Variants in SLC1A1 observed in about 807,000 individuals in gnomAD.
SLC1A1 encodes the protein excitatory amino acid transporter 3.
Under a neutral mutation model 53.3 loss-of-function variants are expected in SLC1A1, and 43 were observed. The observed-to-expected ratio is 0.81, with a 90% CI of 0.63 to 1.04. SLC1A1 has a LOEUF of 1.04. SLC1A1 is among the 50% of genes least tolerant of loss of function. The pLI is 0.00. For synonymous variants in SLC1A1, 307 were observed against 243.2 expected (o/e 1.26, Z -2.44); for missense variants, 748 against 664.9 (o/e 1.12, Z -1.37).
chr9:4,495,999 G>A (rs1019590315), intron 1 of SLC1A1, among the ~76,000 whole-genome samples: 3 of 152,178 alleles, frequency 2.0e-5, no homozygotes, highest in Non-Finnish European at 4.4e-5. Flanking sequence ...AAGTGAGTCT[G>A]GTGCTCAGGA....
chr9:4,580,905 GTTTTA>G (rs1821040391), intron 10 of SLC1A1, among the ~76,000 whole-genome samples: 1 of 151,962 alleles, frequency 6.6e-6, no homozygotes, highest in South Asian at 2.1e-4. Flanking sequence ...TTTGTTTTTT[GTTTTA>G]TTTTACTTTA....
rs1315524020 is a variant in SLC1A1 at position 4,558,002 on chromosome 9, AGAT to A, written c.233-3442_233-3440del. 6.6e-5 allele frequency among the ~76,000 whole-genome samples: 10 copies of A among 152,352 alleles called. No homozygotes were observed. The East Asian group carries it at 1.9e-3, about 29-fold the overall frequency. On this transcript the variant is annotated intron_variant, in intron 2 of 11. Coordinates refer to ENST00000262352, the MANE Select transcript of SLC1A1 (RefSeq NM_004170.6). Reference sequence around the variant, plus strand: ...CTCCTTGGGTTGTAATGAGAATTAAAGATGATGCATTAACATGCAGTCAATATA... The same window carrying A: ...CTCCTTGGGTTGTAATGAGAATTAAAGATGCATTAACATGCAGTCAATATA...
intron 1 of SLC1A1, among the ~76,000 whole-genome samples, chr9:4,497,103 T>A (rs1820455706): frequency 6.6e-6 from 1 of 152,050 alleles, no homozygotes; most frequent in Non-Finnish European, 1.5e-5. Flanking sequence ...CCTAACAAAT[T>A]ACCACAAACC....
chr9:4,570,660 C>T (rs1293106641), intron 6 of SLC1A1, among the ~76,000 whole-genome samples: 3 of 152,068 alleles, frequency 2.0e-5, no homozygotes, highest in Non-Finnish European at 2.9e-5. Flanking sequence ...TGTGAGCCAC[C>T]GCACCCAGCT....
At chr9:4,498,389 T>C (rs887374142) in intron 1 of SLC1A1, among the ~76,000 whole-genome samples, 1 of 152,230 alleles carries the variant, frequency 6.6e-6, no homozygotes, top group South Asian at 2.1e-4. Context: ...TTGGACTTTA[T>C]ATGTCTCTAA....
intron 3 of SLC1A1, among the ~76,000 whole-genome samples, chr9:4,563,146 G>GAAAA (rs761603173): frequency 4.3e-5 from 6 of 138,082 alleles, no homozygotes; most frequent in South Asian, 2.3e-4. Flanking sequence ...GAGAGAGAGA[G>GAAAA]AAAAAAAAAA....
Position 4,585,530 on chromosome 9 carries a change from T to A in SLC1A1, c.1547T>A (p.Ile516Asn), listed in dbSNP as rs776128898. The A allele has an allele frequency of 6.2e-7, 1 of 1,614,118 alleles. No homozygotes were observed. The highest frequency in any genetic ancestry group is 1.3e-5 in the African/African-American group (1 of 75,018). The change falls in exon 12 of 12, where the codon ATC becomes AAC. Residue 516 changes from isoleucine (I) to asparagine (N), a missense_variant. Physicochemically the swap from Ile to Asn is moderately radical, Grantham distance 149. Coordinates refer to ENST00000262352, the MANE Select transcript of SLC1A1 (RefSeq NM_004170.6). ...TTTGCAGTAGACAAGTCTGACACCATCTCATTCACCCAGACCTCACAGTTC... is the reference window on the plus strand; with the variant it reads ...TTTGCAGTAGACAAGTCTGACACCAACTCATTCACCCAGACCTCACAGTTC... ...GGFAVDKSDT[I>N]SFTQTSQF
At chr9:4,551,819 A>G (rs1817954389) in intron 2 of SLC1A1, among the ~76,000 whole-genome samples, 1 of 152,210 alleles carries the variant, frequency 6.6e-6, no homozygotes, top group South Asian at 2.1e-4. Flanking sequence ...GATTATCAAG[A>G]AATTTGTGTT....
At chr9:4,553,862 C>T (rs1205294136) in intron 2 of SLC1A1, 1 of 152,198 alleles carries the variant, frequency 6.6e-6, no homozygotes, top group Non-Finnish European at 1.5e-5. Flanking sequence ...ATAGGTGATG[C>T]ATGCACAGAA....
intron 1 of SLC1A1, among the ~76,000 whole-genome samples, chr9:4,543,658 G>C (rs923057687): frequency 6.6e-6 from 1 of 152,056 alleles, no homozygotes; most frequent in South Asian, 2.1e-4. Flanking sequence ...TTTGTAAAAA[G>C]CCTTTTAATC....
At chr9:4,532,433 C>T (rs979334177) in intron 1 of SLC1A1, among the ~76,000 whole-genome samples, 6 of 151,724 alleles carry the variant, frequency 4.0e-5, no homozygotes, top group Non-Finnish European at 5.9e-5. Context: ...CCTCAGTAGC[C>T]GATTCAATCA....
At chr9:4,499,785 CA>C (rs1820571096) in intron 1 of SLC1A1, among the ~76,000 whole-genome samples, 2 of 152,152 alleles carry the variant, frequency 1.3e-5, no homozygotes, top group Admixed American at 6.5e-5. Context: ...TTATTTAGTA[CA>C]GTAAAACTAC....
rs145411016 is a variant in SLC1A1 at position 4,514,259 on chromosome 9, G to A, written c.91+23489G>A. On this transcript the variant is annotated intron_variant, in intron 1 of 11. Transcript: ENST00000262352. ...GCATACATGTCCAGCATTTGCAAGA[G>A]AGGGTCTGTGTTTACTGGTGGGGAA... 9.2e-4 allele frequency among the ~76,000 whole-genome samples: 140 copies of A among 152,342 alleles called. No homozygotes were observed. In the East Asian group the frequency reaches 0.024, roughly 26 times the overall value.
At position 4,587,016 on chromosome 9, in the gene SLC1A1, T is replaced by C. The variant is rs931727316; in HGVS notation, c.*1458T>C. 6.6e-6 allele frequency: 1 copy of C among 152,606 alleles called. No homozygotes were observed. Among genetic ancestry groups the C allele is most frequent in the African/African-American group, 2.4e-5 (1 of 41,440 alleles). 9.5% of individuals were successfully genotyped at this position (152,606 alleles called of 1,614,324 possible). On this transcript the variant is annotated 3_prime_UTR_variant, in exon 12 of 12. Transcript: ENST00000262352. ...GTACTTACACTGAAATCCAAAATAG[T>C]CATGTTTCTGCAGTATTCTGTAGCC...
At chr9:4,527,073 G>A (rs990218728) in intron 1 of SLC1A1, among the ~76,000 whole-genome samples, 1 of 152,198 alleles carries the variant, frequency 6.6e-6, no homozygotes, top group Admixed American at 6.5e-5. Flanking sequence ...ACTCTGAAGA[G>A]GGAAGCCACT....
At chr9:4,500,070 G>A (rs192867378) in intron 1 of SLC1A1, among the ~76,000 whole-genome samples, 3 of 152,226 alleles carry the variant, frequency 2.0e-5, no homozygotes, top group East Asian at 3.9e-4. Flanking sequence ...TAACAGAGCC[G>A]AGACTGAAAA....
chr9:4,575,997 A>G lies in SLC1A1; in HGVS notation c.876-4A>G, dbSNP rs1213337955. The G allele has an allele frequency of 6.2e-7, 1 of 1,613,932 alleles. No individual in the cohort carries two copies. The highest frequency in any genetic ancestry group is 2.2e-5 in the East Asian group (1 of 44,880). On this transcript the variant is annotated splice_polypyrimidine_tract_variant and splice_region_variant and intron_variant, in intron 8 of 11. Coordinates refer to ENST00000262352, the MANE Select transcript of SLC1A1 (RefSeq NM_004170.6). ...AAACTTTAATTTCTCTTTCTTGTTT[A>G]CAGGCTTGCAATCCACTCCATTGTA... is the stretch of plus-strand genomic sequence containing the variant.
chr9:4,505,726 G>A (rs1338188079), intron 1 of SLC1A1, among the ~76,000 whole-genome samples: 3 of 152,088 alleles, frequency 2.0e-5, no homozygotes, highest in Non-Finnish European at 2.9e-5. Flanking sequence ...GCATGATCTT[G>A]GCTCACTTCA....
At chr9:4,582,520 C>G (rs1368663190) in intron 10 of SLC1A1, among the ~76,000 whole-genome samples, 1 of 152,190 alleles carries the variant, frequency 6.6e-6, no homozygotes, top group African/African-American at 2.4e-5. Context: ...CCCATCTGCC[C>G]CTACAACTAT....
Sources: gnomAD v4.1 joint callset for allele counts (sites outside exome capture counted in the v4.1 genomes callset) on GRCh38, gnomAD v4.1.1 for gene constraint, MANE v1.5 for transcripts, NCBI Gene and HGNC (gene_info 2026-07-23, HGNC 2026-07-21) for gene names.